Variants in IL21R observed in about 807,000 individuals in gnomAD.
IL21R encodes interleukin 21 receptor.
Under a neutral mutation model 41.3 loss-of-function variants are expected in IL21R, and 14 were observed. That is an observed-to-expected ratio of 0.34 (90% CI 0.22 to 0.53). IL21R has a LOEUF of 0.53. Ranked by LOEUF, IL21R falls within the 20% of genes least tolerant of loss-of-function variation. The pLI is 0.94. For missense variants in IL21R, 588 were observed against 681.6 expected (o/e 0.86, Z 1.53); for synonymous variants, 286 against 287.6 (o/e 0.99, Z 0.05).
intron 1 of IL21R, among the ~76,000 whole-genome samples, chr16:27,414,482 T>C (rs940287140): frequency 5.9e-5 from 9 of 152,060 alleles, no homozygotes; most frequent in Admixed American, 5.9e-4. Flanking sequence ...AGATTATTTA[T>C]GGGAAAGATT....
chr16:27,444,766 T>G (rs145719250), intron 6 of IL21R, 47 bp downstream of exon 6: 5 of 1,456,374 alleles, frequency 3.4e-6, no homozygotes, highest in African/African-American at 1.4e-5. Flanking sequence ...TATCAAATTT[T>G]GTCCTGTTCT....
intron 1 of IL21R, among the ~76,000 whole-genome samples, chr16:27,407,832 A>C (rs2086770846): frequency 6.6e-6 from 1 of 152,206 alleles, no homozygotes; most frequent in South Asian, 2.1e-4. Flanking sequence ...CTCAAAAACA[A>C]AACAAAACAA....
rs146918745 is a variant in IL21R, at chr16:27,410,078, G to A, written c.-17+7460G>A. 1.9e-3 allele frequency among the ~76,000 whole-genome samples: 293 copies of A among 152,326 alleles called. 3 individuals are homozygous for A. Among genetic ancestry groups the A allele is most frequent in the Non-Finnish European group, 2.5e-3 (171 of 68,032 alleles). Reference sequence around the variant, plus strand: ...CAACTAGGTGCAGTGGCTGACACCTGTAATCCCAGCACTTTGGGAGGCCAA... The same window carrying A: ...CAACTAGGTGCAGTGGCTGACACCTATAATCCCAGCACTTTGGGAGGCCAA... On this transcript the variant is annotated intron_variant, in intron 1 of 8. Transcript: ENST00000337929.
chr16:27,406,266 C>A (rs1471314613), intron 1 of IL21R, among the ~76,000 whole-genome samples: 3 of 152,388 alleles, frequency 2.0e-5, no homozygotes, highest in South Asian at 2.1e-4. Flanking sequence ...CTACAAGCGG[C>A]CCCTCCTGGG....
intron 2 of IL21R, among the ~76,000 whole-genome samples, chr16:27,430,657 G>GA (rs766795804): frequency 1.3e-4 from 19 of 151,708 alleles, no homozygotes; most frequent in Non-Finnish European, 1.9e-4. Context: ...CTCTACAAAA[G>GA]AAAAAAAATT....
intron 1 of IL21R, chr16:27,427,405 G>T (rs1729632684): frequency 1.2e-6 from 1 of 845,984 alleles, no homozygotes; most frequent in Admixed American, 6.2e-5. Flanking sequence ...TTGTCTGTTT[G>T]TTTTTTTAAA....
chr16:27,431,726 C>CTGCA (rs2087175880), intron 2 of IL21R, among the ~76,000 whole-genome samples: 1 of 151,972 alleles, frequency 6.6e-6, no homozygotes, highest in Non-Finnish European at 1.5e-5. Context: ...TCTTGGCTCA[C>CTGCA]TGCAACCTCT....
intron 1 of IL21R, among the ~76,000 whole-genome samples, chr16:27,406,761 T>TC (rs2086755202): frequency 6.6e-6 from 1 of 151,090 alleles, no homozygotes. Context: ...TGCCTCACAC[T>TC]CCGCATCCAG....
At chr16:27,405,371 A>C (rs1161487476) in intron 1 of IL21R, among the ~76,000 whole-genome samples, 2 of 143,738 alleles carry the variant, frequency 1.4e-5, no homozygotes, top group Admixed American at 7.3e-5. Context: ...CTTTGCTTTT[A>C]GCTATGAAAA....
At chr16:27,435,069 C>G (rs2087244509) in intron 3 of IL21R, among the ~76,000 whole-genome samples, 1 of 152,062 alleles carries the variant, frequency 6.6e-6, no homozygotes, top group Non-Finnish European at 1.5e-5. Context: ...TTGAGACCAG[C>G]CTGGGCAACA....
intron 7 of IL21R, among the ~76,000 whole-genome samples, chr16:27,445,770 A>G (rs1027122320): frequency 3.9e-5 from 6 of 152,232 alleles, no homozygotes; most frequent in African/African-American, 1.4e-4. Flanking sequence ...ACATTTGCCC[A>G]GCACGCAACA....
intron 1 of IL21R, among the ~76,000 whole-genome samples, chr16:27,417,447 A>G (rs1453518110): frequency 1.3e-5 from 2 of 152,212 alleles, no homozygotes; most frequent in South Asian, 2.1e-4. Flanking sequence ...GATTACAGGC[A>G]TGAGCTACTG....
At chr16:27,440,642 T>G (rs1362036499) in intron 4 of IL21R, among the ~76,000 whole-genome samples, 1 of 152,206 alleles carries the variant, frequency 6.6e-6, no homozygotes, top group Non-Finnish European at 1.5e-5. Context: ...GGGCACAGAC[T>G]GAACCTGGAG....
chr16:27,409,177 T>TATATA (rs59798163), intron 1 of IL21R, among the ~76,000 whole-genome samples: 24 of 147,142 alleles, frequency 1.6e-4, no homozygotes, highest in East Asian at 5.9e-4. Context: ...ATATATATAT[T>TATATA]TATAAAAATA....
At chr16:27,441,085 AAGGG>A (rs1238422172) in intron 4 of IL21R, among the ~76,000 whole-genome samples, 230 of 145,652 alleles carry the variant, frequency 1.6e-3, no homozygotes, top group Middle Eastern at 7.0e-3. Flanking sequence ...AGAAAAAAGA[AAGGG>A]AGGGAGGGAG....
At chr16:27,405,322 C>T (rs373003156) in intron 1 of IL21R, among the ~76,000 whole-genome samples, 15 of 152,162 alleles carry the variant, frequency 9.9e-5, no homozygotes, top group Admixed American at 5.9e-4. Flanking sequence ...CATGAGCCAC[C>T]GTGACCGGCC....
chr16:27,421,414 C>T (rs2040790), intron 1 of IL21R, among the ~76,000 whole-genome samples: 53,617 of 148,370 alleles, frequency 0.36, 9,965 homozygotes, highest in East Asian at 0.51. Context: ...CAATTTGAGG[C>T]GTCATCTTGA....
rs373423810 is a variant in IL21R, at chr16:27,430,045, G to A, written c.-16-11G>A. 5.0e-6 allele frequency: 8 copies of A among 1,605,328 alleles called. No individual in the cohort carries two copies. Among genetic ancestry groups the A allele is most frequent in the Admixed American group, 1.7e-5 (1 of 59,928 alleles). ...CCGCCTGGCTCACCCTCCACTGTAC[G>A]TCTCTTGCAGGCCCGTGGGAGTCAG... is the stretch of plus-strand genomic sequence containing the variant. On this transcript the variant is annotated splice_polypyrimidine_tract_variant and intron_variant, in intron 1 of 8. Transcript: ENST00000337929.
intron 1 of IL21R, among the ~76,000 whole-genome samples, chr16:27,426,481 A>G (rs2087080399): frequency 6.6e-6 from 1 of 152,230 alleles, no homozygotes; most frequent in Admixed American, 6.5e-5. Flanking sequence ...GGACCATGAA[A>G]GTTGAGTTGA....
Sources: allele counts gnomAD v4.1 joint callset (sites outside exome capture counted in the v4.1 genomes callset), GRCh38; gene constraint gnomAD v4.1.1; transcripts MANE v1.5; gene names NCBI Gene and HGNC (gene_info 2026-07-23, HGNC 2026-07-21).